Variants in SCN11A observed in about 807,000 individuals in gnomAD.
SCN11A encodes sodium channel protein type 11 subunit alpha.
A neutral mutation model predicts 162.2 loss-of-function variants in SCN11A; 122 were observed. The observed-to-expected ratio is 0.75, with a 90% CI of 0.65 to 0.87. The LOEUF (loss-of-function observed/expected upper bound fraction) is 0.87, where lower values mean the gene tolerates loss of function less well. Among genes scored for constraint, SCN11A ranks in the 40% least tolerant of loss-of-function variants. The pLI is 0.00. For synonymous variants in SCN11A, 758 were observed against 751.5 expected, an observed-to-expected ratio of 1.01 and a Z score of -0.14; for missense variants, 2,015 against 2,181.6, an observed-to-expected ratio of 0.92 and a Z score of 1.52.
Position 38,907,963 on chromosome 3 carries a change from C to T in SCN11A, c.1459G>A (p.Asp487Asn), listed in dbSNP as rs1327731031. 7.5e-6 allele frequency: 12 copies of T among 1,598,380 alleles called. No homozygotes were observed. Among genetic ancestry groups the T allele is most frequent in the Admixed American group, 3.6e-5 (2 of 55,326 alleles). The change falls in exon 14 of 30, where the codon GAT becomes AAT. Residue 487 changes from aspartate to asparagine, a missense_variant. Transcript: ENST00000302328. ...DQPPGSDSDEDCQKKPQLLEQ... is the reference protein window; with the variant it reads ...DQPPGSDSDENCQKKPQLLEQ... ...AAAAGACTTACCTTTTTTTGGCAAT[C>T]TTCATCAGAATCTGACCCAGGAGGC...
chr3:38,988,907 T>C (rs1216071504), intron 2 of SCN11A, among the ~76,000 whole-genome samples: 2 of 152,100 alleles, frequency 1.3e-5, no homozygotes, highest in African/African-American at 4.8e-5. Flanking sequence ...AATAAAAGAA[T>C]AAGGACATAA....
intron 3 of SCN11A, among the ~76,000 whole-genome samples, 36 bp from the exon 4 acceptor site, chr3:38,953,795 A>G (rs751324330): frequency 6.6e-6 from 1 of 152,198 alleles, no homozygotes; most frequent in Non-Finnish European, 1.5e-5. Context: ...ACTCGAATAT[A>G]GGGAAATCAT....
chr3:39,015,431 G>C (rs554885572), intron 2 of SCN11A, among the ~76,000 whole-genome samples: 1 of 152,226 alleles, frequency 6.6e-6, no homozygotes, highest in South Asian at 2.1e-4. Context: ...AGTAAGCACA[G>C]AACGACTGAA....
rs115150458 is a variant in SCN11A at position 38,973,441 on chromosome 3, T to C, written c.-279-13018A>G. ...ACACACACACACATATAATTATATA[T>C]AGCAAAATCAAAATGCTAACAAAGA... On this transcript the variant is annotated intron_variant, in intron 2 of 29. Transcript: ENST00000302328. Among the ~76,000 whole-genome samples, 407 of 151,986 alleles carry C rather than the reference T, an allele frequency of 2.7e-3. 2 individuals are homozygous for C. The highest frequency in any genetic ancestry group is 4.5e-3 in the Non-Finnish European group (303 of 67,970).
rs1203452985 is a variant in SCN11A, at chr3:38,925,473, T to C, written c.654A>G (p.Leu218=). 6 of 1,613,604 alleles carry C rather than the reference T, an allele frequency of 3.7e-6. No homozygotes were observed. The highest frequency in any genetic ancestry group is 2.7e-5 in the African/African-American group (2 of 74,898). ...VSYIPGITIK[L]LPLRTFRVFR... is the part of the protein sequence containing the mutation. ...ACACACGGAAGGTACGCAGGGGCAA[T>C]AGTTTGATGGTGATTCCTGGAATAT... Residue 218 remains leucine, a synonymous_variant, in exon 9 of 30, where the codon CTA becomes CTG. Transcript: ENST00000302328.
At chr3:38,946,652 T>A in intron 6 of SCN11A, 137 bp downstream of exon 6, 2 of 681,106 alleles carry the variant, frequency 2.9e-6, no homozygotes, top group East Asian at 2.5e-5. Context: ...GCACAGTCCC[T>A]GCCTGCAGCA....
chr3:38,874,572 C>T (rs1409544399), intron 23 of SCN11A, among the ~76,000 whole-genome samples: 1 of 152,120 alleles, frequency 6.6e-6, no homozygotes, highest in Non-Finnish European at 1.5e-5. Flanking sequence ...AGAGTGAGAC[C>T]ATGTTTCAAA....
intron 7 of SCN11A, among the ~76,000 whole-genome samples, chr3:38,936,204 T>C (rs1220629277): frequency 3.3e-5 from 5 of 152,144 alleles, no homozygotes; most frequent in East Asian, 1.9e-4. Context: ...AAATTAGGTA[T>C]TGATGGGACG....
At chr3:38,897,909 G>A (rs1195588836) in intron 17 of SCN11A, among the ~76,000 whole-genome samples, 1 of 151,844 alleles carries the variant, frequency 6.6e-6, no homozygotes, top group Non-Finnish European at 1.5e-5. Context: ...TATGACCTCA[G>A]AGACAAGAAT....
intron 2 of SCN11A, among the ~76,000 whole-genome samples, chr3:38,988,669 T>G (rs2030346713): frequency 6.6e-6 from 1 of 152,144 alleles, no homozygotes; most frequent in African/African-American, 2.4e-5. Context: ...CCGTTCAGAG[T>G]GTTATAAGAC....
chr3:38,848,179 T>C (rs1282272586), intron 29 of SCN11A, among the ~76,000 whole-genome samples: 1 of 152,240 alleles, frequency 6.6e-6, no homozygotes, highest in Non-Finnish European at 1.5e-5. Context: ...GGAGATACTT[T>C]CTCTGTTGCT....
At chr3:38,927,000 T>A in intron 7 of SCN11A, 69 bp from the exon 8 acceptor site, 1 of 1,432,170 alleles carries the variant, frequency 7.0e-7, no homozygotes, top group East Asian at 2.3e-5. Flanking sequence ...AGCCCTTCTA[T>A]CTTACTGGCC....
intron 1 of SCN11A, among the ~76,000 whole-genome samples, chr3:39,038,050 G>A (rs1463623172): frequency 6.6e-6 from 1 of 152,192 alleles, no homozygotes; most frequent in Non-Finnish European, 1.5e-5. Flanking sequence ...AGAGGGTGAT[G>A]GTAAGAATAT....
chr3:38,962,783 G>A (rs1045656631), intron 2 of SCN11A, among the ~76,000 whole-genome samples: 1 of 152,012 alleles, frequency 6.6e-6, no homozygotes, highest in African/African-American at 2.4e-5. Flanking sequence ...AGGGAGCGGA[G>A]GTTGCAGTGA....
intron 1 of SCN11A, among the ~76,000 whole-genome samples, chr3:39,049,476 C>T (rs1190850170): frequency 6.6e-6 from 1 of 152,212 alleles, no homozygotes; most frequent in African/African-American, 2.4e-5. Context: ...CTAGAATAAA[C>T]ATATTTTAGA....
chr3:38,905,145 G>C (rs1444504103), intron 15 of SCN11A, 47 bp downstream of exon 15: 1 of 1,612,010 alleles, frequency 6.2e-7, no homozygotes, highest in Non-Finnish European at 8.5e-7. Context: ...AGAATGGAAG[G>C]ACATCACTGA....
At chr3:38,970,552 G>A (rs1198800217) in intron 2 of SCN11A, among the ~76,000 whole-genome samples, 1 of 152,066 alleles carries the variant, frequency 6.6e-6, no homozygotes, top group Non-Finnish European at 1.5e-5. Context: ...TTTTGGTTGA[G>A]GCCTGGCCTT....
intron 22 of SCN11A, among the ~76,000 whole-genome samples, chr3:38,880,849 C>A (rs2065297252): frequency 6.6e-6 from 1 of 152,162 alleles, no homozygotes; most frequent in Non-Finnish European, 1.5e-5. Flanking sequence ...GTATGTGATT[C>A]TACAGGGTCT....
At chr3:38,975,965 T>G (rs1037781174) in intron 2 of SCN11A, among the ~76,000 whole-genome samples, 1 of 152,168 alleles carries the variant, frequency 6.6e-6, no homozygotes, top group African/African-American at 2.4e-5. Flanking sequence ...GGATGGTAAA[T>G]TTTATGTTAG....
Sources: gnomAD v4.1 joint callset for allele counts (sites outside exome capture counted in the v4.1 genomes callset) on GRCh38, gnomAD v4.1.1 for gene constraint, MANE v1.5 for transcripts, NCBI Gene and HGNC (gene_info 2026-07-23, HGNC 2026-07-21) for gene names.